The following TRAPPC9 variants were observed in gnomAD, a reference collection of about 807,000 sequenced individuals.
TRAPPC9 encodes the protein IKK2 binding protein.
Under a neutral mutation model 124.0 loss-of-function variants are expected in TRAPPC9, and 83 were observed. The observed-to-expected ratio is 0.67, with a 90% CI of 0.56 to 0.80. The LOEUF is 0.80. Among genes scored for constraint, TRAPPC9 ranks in the 30% least tolerant of loss-of-function variants. The probability of loss-of-function intolerance (pLI) is 0.00; values close to 1 mark genes in which losing one functional copy is unlikely to be tolerated. For synonymous variants in TRAPPC9, 638 were observed against 617.5 expected (o/e 1.03, Z -0.49); for missense variants, 1,302 against 1,508.3 (o/e 0.86, Z 2.27).
chr8:139,778,046 G>A (rs770477841), intron 21 of TRAPPC9, among the ~76,000 whole-genome samples: 12 of 152,058 alleles, frequency 7.9e-5, no homozygotes, highest in African/African-American at 2.9e-4. Context: ...GTTCCCTTAC[G>A]GATTCAGCAA....
At chr8:140,099,063 G>A (rs1353329014) in intron 17 of TRAPPC9, 3 of 151,438 alleles carry the variant, frequency 2.0e-5, no homozygotes, top group Non-Finnish European at 2.9e-5. Flanking sequence ...CATTCACAGG[G>A]TAAACACGCC....
At chr8:140,388,896 G>A (rs1320820003) in intron 7 of TRAPPC9, among the ~76,000 whole-genome samples, 1 of 149,958 alleles carries the variant, frequency 6.7e-6, no homozygotes, top group Non-Finnish European at 1.5e-5. Context: ...CTACAACATG[G>A]ATGAACCATG....
intron 19 of TRAPPC9, chr8:139,932,654 C>T (rs1266944565): frequency 5.9e-5 from 23 of 390,262 alleles, no homozygotes; most frequent in South Asian, 1.7e-4. Context: ...GTCCCAGCTA[C>T]GTGGGAGGCT....
intron 15 of TRAPPC9, among the ~76,000 whole-genome samples, chr8:140,262,062 C>T (rs1266440083): frequency 1.3e-5 from 2 of 152,172 alleles, no homozygotes; most frequent in African/African-American, 4.8e-5. Flanking sequence ...ATAGGTCCTG[C>T]TATCACACCC....
chr8:140,049,242 G>C (rs991858973), intron 17 of TRAPPC9, among the ~76,000 whole-genome samples: 1 of 152,208 alleles, frequency 6.6e-6, no homozygotes, highest in East Asian at 1.9e-4. Flanking sequence ...TGGGGCCTGC[G>C]GGCCCAGAGT....
intron 21 of TRAPPC9, among the ~76,000 whole-genome samples, chr8:139,846,350 ACTTG>A (rs1293362461): frequency 6.6e-6 from 1 of 152,080 alleles, no homozygotes; most frequent in African/African-American, 2.4e-5. Flanking sequence ...TCAGGATAAC[ACTTG>A]TCTGGCTTGG....
chr8:140,045,301 A>G (rs1563717992), intron 17 of TRAPPC9, among the ~76,000 whole-genome samples: 1 of 152,316 alleles, frequency 6.6e-6, no homozygotes, highest in East Asian at 1.9e-4. Context: ...GGCTGTGAGC[A>G]TTAAATGAGC....
chr8:139,968,177 T>TA (rs1289198706), intron 19 of TRAPPC9, among the ~76,000 whole-genome samples: 5 of 150,126 alleles, frequency 3.3e-5, no homozygotes, highest in African/African-American at 7.3e-5. Flanking sequence ...CAAAACAAAA[T>TA]AAAAAAACAA....
Position 139,742,815 on chromosome 8 carries a change from G to A in TRAPPC9, c.3056-10613C>T, listed in dbSNP as rs1029522412. 6.6e-6 allele frequency among the ~76,000 whole-genome samples: 1 copy of A among 152,226 alleles called. No individual in the cohort carries two copies. Among genetic ancestry groups the A allele is most frequent in the Non-Finnish European group, 1.5e-5 (1 of 68,044 alleles). ...AAACATTCACTGAAATGCTGCATCTGTGGGAGAAGAACAGCCGCCACCTGT... is the reference window on the plus strand; with the variant it reads ...AAACATTCACTGAAATGCTGCATCTATGGGAGAAGAACAGCCGCCACCTGT... On this transcript the variant is annotated intron_variant, in intron 21 of 22. Coordinates refer to ENST00000438773, the MANE Select transcript of TRAPPC9 (RefSeq NM_001160372.4). The surrounding 1 kb of genome is among the most constrained non-coding windows in gnomAD (Gnocchi z 4.7).
intron 17 of TRAPPC9, among the ~76,000 whole-genome samples, chr8:140,180,938 A>C (rs183892090): frequency 6.6e-6 from 1 of 152,290 alleles, no homozygotes; most frequent in Non-Finnish European, 1.5e-5. Flanking sequence ...TTAAACTTGA[A>C]AATTCAAAAC....
chr8:140,300,330 T>C (rs2065938033), intron 11 of TRAPPC9, 139 bp downstream of exon 11: 8 of 1,082,040 alleles, frequency 7.4e-6, no homozygotes, highest in South Asian at 2.6e-5. Flanking sequence ...TATACACACA[T>C]ATGCATGCGT....
intron 17 of TRAPPC9, among the ~76,000 whole-genome samples, chr8:140,132,767 A>AGTGGGAGGC (rs1438814811): frequency 6.7e-6 from 1 of 148,512 alleles, no homozygotes; most frequent in African/African-American, 2.5e-5. Context: ...GAGGCTCAGA[A>AGTGGGAGGC]TAACCTTCCA....
At chr8:140,326,787 G>A (rs962083547) in intron 9 of TRAPPC9, among the ~76,000 whole-genome samples, 6 of 152,148 alleles carry the variant, frequency 3.9e-5, no homozygotes, top group Non-Finnish European at 7.3e-5. Flanking sequence ...GGGCTGAGGT[G>A]GGAGGATCAC....
upstream of TRAPPC9, among the ~76,000 whole-genome samples, chr8:140,458,076 CAG>C (rs1414577395): frequency 4.8e-5 from 3 of 62,586 alleles, no homozygotes; most frequent in East Asian, 1.3e-3. Flanking sequence ...AAGCGGGGGA[CAG>C]GGAGAGGGTG....
chr8:140,451,029 G>A lies in TRAPPC9; in HGVS notation c.345C>T (p.Leu115=), dbSNP rs147852978. The A allele has an allele frequency of 1.2e-6, 2 of 1,614,110 alleles. No homozygotes were observed. The highest frequency in any genetic ancestry group is 3.3e-5 in the Admixed American group (2 of 60,012). ...IYGSTLYDSR[L]FVFGLQGEIV... The stretch of plus-strand genomic sequence containing the variant: ...TCTCCCCCTGCAGCCCGAAGACAAA[G>A]AGCCGGGAGTCATACAGTGTGGAGC... The change falls in exon 2 of 23, where the codon CTC becomes CTT. Residue 115 remains leucine, a synonymous_variant. Transcript: ENST00000438773.
At chr8:140,095,232 G>A (rs1289716284) in intron 17 of TRAPPC9, 1 of 152,244 alleles carries the variant, frequency 6.6e-6, no homozygotes, top group African/African-American at 2.4e-5. Context: ...AGCTAAAGCT[G>A]GTGCGTGAAT....
At chr8:140,456,979 G>C (rs1195375669) in intron 1 of TRAPPC9, among the ~76,000 whole-genome samples, 2 of 152,256 alleles carry the variant, frequency 1.3e-5, no homozygotes, top group Non-Finnish European at 2.9e-5. Context: ...CCAGTAGCCT[G>C]ACTTCCTCTC....
chr8:140,345,077 ACAGT>A (rs1217620390), intron 9 of TRAPPC9, among the ~76,000 whole-genome samples: 3 of 152,244 alleles, frequency 2.0e-5, no homozygotes, highest in Non-Finnish European at 4.4e-5. Context: ...GGGCGGGTCG[ACAGT>A]CAGGCCTGCA....
At chr8:140,214,200 A>G (rs1324598560) in intron 17 of TRAPPC9, among the ~76,000 whole-genome samples, 2 of 152,192 alleles carry the variant, frequency 1.3e-5, no homozygotes, top group Non-Finnish European at 2.9e-5. Context: ...CTCTCAATGG[A>G]GCCCCTGCCA....
Sources: gnomAD v4.1 joint callset for allele counts (sites outside exome capture counted in the v4.1 genomes callset) on GRCh38, gnomAD v4.1.1 for gene constraint, Gnocchi (gnomAD v3.1) non-coding constraint, MANE v1.5 for transcripts, NCBI Gene and HGNC (gene_info 2026-07-23, HGNC 2026-07-21) for gene names.